RAB6A: variants seen among roughly 807,000 people sequenced by gnomAD.
RAB6A encodes the protein ras-related protein Rab-6A.
Under a neutral mutation model 32.3 loss-of-function variants are expected in RAB6A, and 8 were observed. That is an observed-to-expected ratio of 0.25 (90% CI 0.15 to 0.45). The LOEUF is 0.45. Among genes scored for constraint, RAB6A ranks in the 20% least tolerant of loss-of-function variants. RAB6A has a pLI of 1.00. For synonymous variants in RAB6A, 73 were observed against 82.1 expected (o/e 0.89, Z 0.60); for missense variants, 104 against 249.4 (o/e 0.42, Z 3.93).
At chr11:73,714,986 A>G (rs989597568) in intron 5 of RAB6A, among the ~76,000 whole-genome samples, 4 of 152,200 alleles carry the variant, frequency 2.6e-5, no homozygotes, top group African/African-American at 7.2e-5. Context: ...AAGTACCTAC[A>G]AAGTCTCTAG....
At position 73,732,315 on chromosome 11, in the gene RAB6A, G is replaced by A. The variant is rs188693822; in HGVS notation, c.71-1492C>T. 3.1e-4 allele frequency among the ~76,000 whole-genome samples: 47 copies of A among 152,198 alleles called. 2 individuals are homozygous for A. The highest frequency in any genetic ancestry group is 2.7e-3 in the Admixed American group (41 of 15,288). ...GAACCATACCTAAAAGGCCGGGTGC[G>A]GTGGCTCACGCCTGTAATCCCAGCA... On this transcript the variant is annotated intron_variant, in intron 1 of 7. Coordinates refer to ENST00000336083, the MANE Select transcript of RAB6A (RefSeq NM_198896.2).
At chr11:73,751,062 C>T (rs543143032) in intron 1 of RAB6A, among the ~76,000 whole-genome samples, 110 of 152,214 alleles carry the variant, frequency 7.2e-4, no homozygotes, top group Admixed American at 7.2e-4. Context: ...GCCTTAGTGT[C>T]CCAAAGTGCT....
intron 5 of RAB6A, among the ~76,000 whole-genome samples, chr11:73,711,179 G>A (rs1046143365): frequency 1.1e-4 from 17 of 152,126 alleles, no homozygotes; most frequent in African/African-American, 3.9e-4. Context: ...TATGAGGGCT[G>A]TATCCTCTAC....
intron 1 of RAB6A, among the ~76,000 whole-genome samples, chr11:73,744,978 G>GAAAAAAA (rs58654043): frequency 3.6e-5 from 3 of 83,128 alleles, no homozygotes; most frequent in African/African-American, 3.9e-5. Flanking sequence ...CATCTCAAAA[G>GAAAAAAA]AAAAAAAAAA....
chr11:73,699,788 T>C lies in RAB6A; in HGVS notation c.495+7632A>G, dbSNP rs539874750. The stretch of plus-strand genomic sequence containing the variant: ...CGTGCCACACTTGATACCTATGGAT[T>C]TAGGTACATGACAAAAGCCCAAGAT... On this transcript the variant is annotated intron_variant, in intron 6 of 7. Coordinates refer to ENST00000336083, the MANE Select transcript of RAB6A (RefSeq NM_198896.2). 3.3e-5 allele frequency among the ~76,000 whole-genome samples: 5 copies of C among 152,284 alleles called. No individual in the cohort carries two copies. The South Asian group carries it at 1.0e-3, about 32-fold the overall frequency.
intron 1 of RAB6A, among the ~76,000 whole-genome samples, chr11:73,737,868 G>A (rs1344091954): frequency 2.0e-5 from 3 of 151,372 alleles, no homozygotes; most frequent in African/African-American, 7.3e-5. Context: ...GTGGTGGTGG[G>A]CGCCTGTAAT....
chr11:73,682,241 C>A (rs1042581091), intron 6 of RAB6A, among the ~76,000 whole-genome samples: 11 of 152,046 alleles, frequency 7.2e-5, no homozygotes, highest in Non-Finnish European at 1.5e-4. Context: ...GAAAATCAAG[C>A]AATTGAGCCC....
intron 6 of RAB6A, among the ~76,000 whole-genome samples, chr11:73,695,473 G>A (rs1368727833): frequency 1.3e-5 from 2 of 151,576 alleles, no homozygotes; most frequent in African/African-American, 2.4e-5. Context: ...TCTGCCTCCC[G>A]GGTTCAAGTG....
At position 73,689,780 on chromosome 11, in the gene RAB6A, C is replaced by T. The variant is rs1051532106; in HGVS notation, c.496-10060G>A. ...TAAAATGTATAAAACCAAGCTGTAA[C>T]CCAACTACTTTGGGCAGATGTTCTC... is the stretch of plus-strand genomic sequence containing the variant. On this transcript the variant is annotated intron_variant, in intron 6 of 7. Transcript: ENST00000336083. Among the ~76,000 whole-genome samples the T allele has an allele frequency of 3.9e-5, 6 of 151,944 alleles. No homozygotes were observed. The South Asian group carries it at 1.0e-3, about 26-fold the overall frequency.
chr11:73,677,798 A>G lies in RAB6A; in HGVS notation c.*100T>C. 1 of 1,591,090 alleles carries G rather than the reference A, an allele frequency of 6.3e-7. No homozygotes were observed. The highest frequency in any genetic ancestry group is 8.6e-7 in the Non-Finnish European group (1 of 1,161,494). On this transcript the variant is annotated 3_prime_UTR_variant, in exon 8 of 8. Transcript: ENST00000336083. ...GATGAATTGCAATACGTTATTACTG[A>G]AGGGAAAAGGTTCAAGCCAATATTC...
In RAB6A at chr11:73,698,066, C is replaced by T. The variant is rs919189345; in HGVS notation, c.495+9354G>A. ...AAAACTCCATCTCTACTAAAAAATA[C>T]AAAAATTAGCCAGGCGAGGTGGAGC... On this transcript the variant is annotated intron_variant, in intron 6 of 7. Coordinates refer to ENST00000336083, the MANE Select transcript of RAB6A (RefSeq NM_198896.2). Among the ~76,000 whole-genome samples the T allele has an allele frequency of 3.3e-5, 5 of 152,028 alleles. No individual in the cohort carries two copies. The South Asian group carries it at 6.2e-4, about 19-fold the overall frequency.
intron 6 of RAB6A, among the ~76,000 whole-genome samples, chr11:73,685,983 A>T (rs1258255130): frequency 2.0e-5 from 3 of 151,112 alleles, no homozygotes; most frequent in African/African-American, 7.3e-5. Context: ...CTTGGGGAAC[A>T]GAGAATTTTG....
intron 6 of RAB6A, among the ~76,000 whole-genome samples, chr11:73,698,825 T>A (rs1013752047): frequency 2.4e-4 from 36 of 151,622 alleles, no homozygotes; most frequent in African/African-American, 8.7e-4. Context: ...GTACACTCAG[T>A]TCAGCTCAGA....
chr11:73,750,254 C>A (rs1946653236), intron 1 of RAB6A, among the ~76,000 whole-genome samples: 2 of 151,916 alleles, frequency 1.3e-5, no homozygotes, highest in South Asian at 4.1e-4. Context: ...TTTTAAAAAT[C>A]ATAAAATATT....
intron 6 of RAB6A, among the ~76,000 whole-genome samples, chr11:73,682,358 A>G (rs1303290882): frequency 6.6e-6 from 1 of 152,176 alleles, no homozygotes. Flanking sequence ...AAAGCTGTTA[A>G]TTTTATGAAC....
intron 1 of RAB6A, among the ~76,000 whole-genome samples, chr11:73,750,659 G>T (rs1946658480): frequency 6.6e-6 from 1 of 151,994 alleles, no homozygotes; most frequent in African/African-American, 2.4e-5. Flanking sequence ...ACCAGGCCAA[G>T]ATTTCCTTCC....
intron 6 of RAB6A, among the ~76,000 whole-genome samples, chr11:73,692,173 T>C (rs1454045117): frequency 1.3e-5 from 2 of 152,008 alleles, no homozygotes; most frequent in Non-Finnish European, 2.9e-5. Context: ...GCAATACTTA[T>C]GCCCACTGAA....
intron 1 of RAB6A, among the ~76,000 whole-genome samples, chr11:73,732,803 T>C (rs1946337104): frequency 6.6e-6 from 1 of 151,858 alleles, no homozygotes; most frequent in African/African-American, 2.4e-5. Flanking sequence ...CTATCCTTTC[T>C]CCTCAGTGAT....
At chr11:73,689,763 A>G (rs945264262) in intron 6 of RAB6A, among the ~76,000 whole-genome samples, 7 of 152,256 alleles carry the variant, frequency 4.6e-5, no homozygotes, top group East Asian at 1.9e-4. Flanking sequence ...CCTAAAATGT[A>G]TAAAACCAAG....
Sources: gnomAD v4.1 joint callset for allele counts (sites outside exome capture counted in the v4.1 genomes callset) on GRCh38, gnomAD v4.1.1 for gene constraint, MANE v1.5 for transcripts, NCBI Gene and HGNC (gene_info 2026-07-23, HGNC 2026-07-21) for gene names.